DLG2: variants seen among roughly 807,000 people sequenced by gnomAD.
DLG2 encodes the protein disks large homolog 2.
In DLG2, 45 loss-of-function variants were observed where a neutral mutation model predicts 132.5. That is an observed-to-expected ratio of 0.34 (90% CI 0.27 to 0.44). The LOEUF (loss-of-function observed/expected upper bound fraction) is 0.44. DLG2 is among the 20% of genes least tolerant of loss of function. DLG2 has a pLI of 1.00. For missense variants in DLG2, 1,045 were observed against 1,196.9 expected, an observed-to-expected ratio of 0.87 and a Z score of 1.87; for synonymous variants, 424 against 419.6, an observed-to-expected ratio of 1.01 and a Z score of -0.13.
At chr11:84,853,150 G>T (rs764088027) in intron 6 of DLG2, among the ~76,000 whole-genome samples, 5 of 151,982 alleles carry the variant, frequency 3.3e-5, no homozygotes, top group Middle Eastern at 3.4e-3. Context: ...CACTAAAATT[G>T]GAGGAGCAAG....
rs772315422 is a variant in DLG2, at chr11:85,111,729, G to T, written c.289C>A (p.Gln97Lys). The T allele has an allele frequency of 4.5e-6, 7 of 1,555,618 alleles. No individual in the cohort carries two copies. The Admixed American group carries it at 1.3e-4, about 30-fold the overall frequency. The change falls in exon 6 of 28, where the codon CAA becomes AAA. Residue 97 changes from glutamine (Q) to lysine (K), a missense_variant. Gln to Lys is a moderately conservative substitution (Grantham distance 53). Coordinates refer to ENST00000376104, the MANE Select transcript of DLG2 (RefSeq NM_001142699.3). Reference protein sequence around the residue: ...NETDETTTQNQGRCPAQNCSV... With the variant: ...NETDETTTQNKGRCPAQNCSV... The stretch of plus-strand genomic sequence containing the variant: ...CAATTCTGGGCTGGGCATCTGCCTT[G>T]GTTTTGCTGCAAATAAGTAAAAATT...
Position 85,503,212 on chromosome 11 carries a change from T to C in DLG2, c.40+95445A>G, listed in dbSNP as rs577722464. ...CTGTACCATTATATTTTATACTTTT[T>C]TGCATTCAAGCTTTTTAAGGTTAAG... is the stretch of plus-strand genomic sequence containing the variant. On this transcript the variant is annotated intron_variant, in intron 3 of 27. Coordinates refer to ENST00000376104, the MANE Select transcript of DLG2 (RefSeq NM_001142699.3). 4.6e-5 allele frequency among the ~76,000 whole-genome samples: 7 copies of C among 152,246 alleles called. No individual in the cohort carries two copies. In the South Asian group the frequency reaches 1.5e-3, roughly 32 times the overall value.
intron 8 of DLG2, among the ~76,000 whole-genome samples, chr11:84,239,132 C>T (rs1354481308): frequency 6.6e-6 from 1 of 151,888 alleles, no homozygotes; most frequent in Non-Finnish European, 1.5e-5. Context: ...TATTGAAATC[C>T]CACTACATGC....
chr11:85,604,145 C>T (rs2080355577), intron 2 of DLG2, among the ~76,000 whole-genome samples: 1 of 152,164 alleles, frequency 6.6e-6, no homozygotes, highest in African/African-American at 2.4e-5. Context: ...GCTTACTATG[C>T]CTCTCATCGC....
chr11:85,205,146 G>GTATATATATA lies in DLG2; in HGVS notation c.187-50505_187-50496dup, dbSNP rs376041155. On this transcript the variant is annotated intron_variant, in intron 4 of 27. Coordinates refer to ENST00000376104, the MANE Select transcript of DLG2 (RefSeq NM_001142699.3). ...ATATATAATTCATATATATGTGTGT[G>GTATATATATA]TATATATATATATATATAGATATAT... Among the ~76,000 whole-genome samples, 402 of 141,590 alleles carry GTATATATATA rather than the reference G, an allele frequency of 2.8e-3. 3 individuals are homozygous for GTATATATATA. Among genetic ancestry groups the GTATATATATA allele is most frequent in the Admixed American group, 3.7e-3 (52 of 13,910 alleles). 92.9% of individuals were successfully genotyped at this position (141,590 alleles called of 152,430 possible). A position where few individuals can be genotyped will look rare whatever the true frequency, so the allele number is the denominator to read the frequency against.
chr11:83,497,139 C>A (rs1400762950), intron 21 of DLG2, among the ~76,000 whole-genome samples: 1 of 152,116 alleles, frequency 6.6e-6, no homozygotes, highest in Non-Finnish European at 1.5e-5. Flanking sequence ...AAATGTTGAG[C>A]AATGATTTCT....
chr11:85,408,888 T>G (rs2089046838), intron 3 of DLG2, among the ~76,000 whole-genome samples: 1 of 151,876 alleles, frequency 6.6e-6, no homozygotes, highest in Non-Finnish European at 1.5e-5. Context: ...GCAGCATGAT[T>G]TATAGTCCTT....
chr11:85,514,380 G>A (rs992963886), intron 3 of DLG2, among the ~76,000 whole-genome samples: 1 of 151,994 alleles, frequency 6.6e-6, no homozygotes, highest in Non-Finnish European at 1.5e-5. Flanking sequence ...CAATATCTGT[G>A]AATGAAATCA....
chr11:84,730,120 C>T (rs2062981880), intron 6 of DLG2, among the ~76,000 whole-genome samples: 1 of 151,944 alleles, frequency 6.6e-6, no homozygotes, highest in South Asian at 2.1e-4. Context: ...AAGAAGAACT[C>T]TTCTTAGGCC....
chr11:84,803,538 G>A (rs2075663672), intron 6 of DLG2, among the ~76,000 whole-genome samples: 1 of 152,196 alleles, frequency 6.6e-6, no homozygotes. Flanking sequence ...TGGGCAGGCA[G>A]TGATTTAGAC....
At chr11:83,995,049 C>T (rs2093952782) in intron 11 of DLG2, among the ~76,000 whole-genome samples, 3 of 148,420 alleles carry the variant, frequency 2.0e-5, no homozygotes, top group South Asian at 4.3e-4. Context: ...CTCATCTTAA[C>T]TTGACCGTTA....
chr11:84,231,515 T>C (rs2097093313), intron 8 of DLG2, among the ~76,000 whole-genome samples: 1 of 152,014 alleles, frequency 6.6e-6, no homozygotes, highest in African/African-American at 2.4e-5. Flanking sequence ...AGGTACAAAA[T>C]AAGAGATTGG....
intron 11 of DLG2, among the ~76,000 whole-genome samples, chr11:84,026,119 G>A (rs113384240): frequency 1.6e-4 from 24 of 152,138 alleles, no homozygotes; most frequent in African/African-American, 4.1e-4. Flanking sequence ...GTTATAGGAC[G>A]GAGGGAGGAA....
intron 6 of DLG2, among the ~76,000 whole-genome samples, chr11:85,067,135 G>A (rs539109094): frequency 6.6e-6 from 1 of 151,906 alleles, no homozygotes; most frequent in South Asian, 2.1e-4. Flanking sequence ...ATTTATTTGA[G>A]GTGTTTATAG....
At chr11:84,052,321 C>T (rs2096403695) in intron 11 of DLG2, among the ~76,000 whole-genome samples, 1 of 151,404 alleles carries the variant, frequency 6.6e-6, no homozygotes, top group Middle Eastern at 3.2e-3. Context: ...CATGCATAAG[C>T]CAAATATATA....
intron 6 of DLG2, among the ~76,000 whole-genome samples, chr11:84,620,435 T>C (rs2099611878): frequency 6.6e-6 from 1 of 151,976 alleles, no homozygotes; most frequent in Admixed American, 6.6e-5. Context: ...ATTTTGATCA[T>C]ATTAAAATGA....
intron 7 of DLG2, among the ~76,000 whole-genome samples, chr11:84,410,776 C>T (rs557648007): frequency 6.6e-6 from 1 of 151,962 alleles, no homozygotes; most frequent in East Asian, 1.9e-4. Context: ...GATGGGCTTT[C>T]ACCATGTTGG....
intron 16 of DLG2, among the ~76,000 whole-genome samples, chr11:83,872,084 T>C (rs1286724302): frequency 6.6e-6 from 1 of 152,080 alleles, no homozygotes; most frequent in Non-Finnish European, 1.5e-5. Flanking sequence ...GCAAATATGG[T>C]GAAACCCCGT....
rs139839392 is a variant in DLG2, at chr11:84,681,467, T to C, written c.358-146736A>G. ...TTGGTTTGTAATTTCAAATGTGTAATATACATTAGGAAGTGGGGGGTACCG... is the reference window on the plus strand; with the variant it reads ...TTGGTTTGTAATTTCAAATGTGTAACATACATTAGGAAGTGGGGGGTACCG... On this transcript the variant is annotated intron_variant, in intron 6 of 27. Coordinates refer to ENST00000376104, the MANE Select transcript of DLG2 (RefSeq NM_001142699.3). 3.7e-4 allele frequency among the ~76,000 whole-genome samples: 57 copies of C among 152,298 alleles called. No homozygotes were observed. The East Asian group carries it at 8.9e-3, about 24-fold the overall frequency.
Sources: gnomAD v4.1 joint callset for allele counts (sites outside exome capture counted in the v4.1 genomes callset) on GRCh38, gnomAD v4.1.1 for gene constraint, MANE v1.5 for transcripts, NCBI Gene and HGNC (gene_info 2026-07-23, HGNC 2026-07-21) for gene names.